Variants in GOLIM4 observed in about 807,000 individuals in gnomAD.
GOLIM4 encodes the protein 130 kDa golgi-localized phosphoprotein.
Under a neutral mutation model 107.4 loss-of-function variants are expected in GOLIM4, and 71 were observed. The ratio of observed to expected loss-of-function variants is 0.66; its 90% CI spans 0.55 to 0.81. The LOEUF is 0.81. Among genes scored for constraint, GOLIM4 ranks in the 30% least tolerant of loss-of-function variants. The pLI is 0.00. For synonymous variants in GOLIM4, 327 were observed against 294.8 expected, an observed-to-expected ratio of 1.11 and a Z score of -1.12; for missense variants, 830 against 826.1, an observed-to-expected ratio of 1.00 and a Z score of -0.06.
intron 5 of GOLIM4, 148 bp from the exon 6 acceptor site, chr3:168,041,622 T>A: frequency 1.8e-6 from 1 of 555,886 alleles, no homozygotes; most frequent in Non-Finnish European, 3.1e-6. Context: ...ACAAAAATGA[T>A]ATTGTATTGG....
intron 14 of GOLIM4, among the ~76,000 whole-genome samples, chr3:168,020,182 AAAT>A (rs1717602580): frequency 6.6e-6 from 1 of 152,152 alleles, no homozygotes. Flanking sequence ...CTTGTATGTA[AAAT>A]AATAGCATTG....
chr3:168,017,954 T>C (rs9941995), intron 14 of GOLIM4, among the ~76,000 whole-genome samples: 4,043 of 152,210 alleles, frequency 0.027, 183 homozygotes, highest in African/African-American at 0.093. Flanking sequence ...CATCCAAATA[T>C]TTGTGCTAAA....
intron 7 of GOLIM4, among the ~76,000 whole-genome samples, chr3:168,039,824 T>C (rs964505522): frequency 2.0e-5 from 3 of 152,166 alleles, no homozygotes; most frequent in Non-Finnish European, 2.9e-5. Context: ...AAATGATCCC[T>C]GACGTCAATT....
intron 1 of GOLIM4, among the ~76,000 whole-genome samples, chr3:168,078,840 C>A (rs1002752885): frequency 1.3e-5 from 2 of 152,070 alleles, no homozygotes; most frequent in Non-Finnish European, 2.9e-5. Context: ...TAACAAAGAA[C>A]AGACAAGCCA....
chr3:168,042,862 T>A (rs1196666058), intron 5 of GOLIM4, among the ~76,000 whole-genome samples: 1 of 152,212 alleles, frequency 6.6e-6, no homozygotes, highest in Non-Finnish European at 1.5e-5. Context: ...AGCCCACAGT[T>A]GTCACACAAC....
intron 1 of GOLIM4, among the ~76,000 whole-genome samples, chr3:168,094,244 T>A (rs539668297): frequency 6.6e-6 from 1 of 152,222 alleles, no homozygotes; most frequent in Non-Finnish European, 1.5e-5. Flanking sequence ...TTGTGAAAAT[T>A]ACATTAAATT....
intron 3 of GOLIM4, among the ~76,000 whole-genome samples, chr3:168,045,219 C>T (rs1181291670): frequency 1.3e-5 from 2 of 152,036 alleles, no homozygotes; most frequent in African/African-American, 4.8e-5. Flanking sequence ...AGAGTCACCG[C>T]GCAGGGCTAA....
intron 1 of GOLIM4, among the ~76,000 whole-genome samples, chr3:168,081,834 G>A (rs1248073837): frequency 6.6e-6 from 1 of 152,112 alleles, no homozygotes; most frequent in Admixed American, 6.5e-5. Context: ...ATTACTAATG[G>A]ATTCTAGGAA....
intron 1 of GOLIM4, among the ~76,000 whole-genome samples, chr3:168,079,623 G>A (rs1327207026): frequency 1.3e-5 from 2 of 152,010 alleles, no homozygotes; most frequent in Non-Finnish European, 2.9e-5. Flanking sequence ...ATATTTGGTT[G>A]CGCTATACAC....
intron 1 of GOLIM4, among the ~76,000 whole-genome samples, chr3:168,091,884 TC>T (rs1721934257): frequency 6.6e-6 from 1 of 152,180 alleles, no homozygotes; most frequent in African/African-American, 2.4e-5. Flanking sequence ...AATCACATAC[TC>T]AGATAAAAAA....
chr3:168,032,670 G>T lies in GOLIM4; in HGVS notation c.1026C>A (p.Ala342=). ...EHQVEEEHRK[A]LEEEEMEQVG... ...CCTGCTCCATTTCTTCCTCCTCCAG[G>T]GCCTTTCTGTGCTCCTCTTCCACCT... is the stretch of plus-strand genomic sequence containing the variant. Residue 342 remains alanine (A), a synonymous_variant, in exon 9 of 16, where the codon GCC becomes GCA. Coordinates refer to ENST00000470487, the MANE Select transcript of GOLIM4 (RefSeq NM_014498.5). 1 of 1,613,784 alleles carries T rather than the reference G, an allele frequency of 6.2e-7. No individual in the cohort carries two copies. The highest frequency in any genetic ancestry group is 8.5e-7 in the Non-Finnish European group (1 of 1,179,966).
chr3:168,095,416 C>T lies in GOLIM4; in HGVS notation c.-131G>A. 1.4e-6 allele frequency: 1 copy of T among 721,584 alleles called. No homozygotes were observed. The allele number at this position is 721,584 out of a possible 1,614,324, so 44.7% of individuals were successfully genotyped here. A position where few individuals can be genotyped will look rare whatever the true frequency, so the allele number is the denominator to read the frequency against. ...GAGGAGGAGATGCCAGACACAAAAG[C>T]CGGCCCGGAGGGGAAGTGGCGCCCG... is the stretch of plus-strand genomic sequence containing the variant. On this transcript the variant is annotated 5_prime_UTR_variant, in exon 1 of 16. Coordinates refer to ENST00000470487, the MANE Select transcript of GOLIM4 (RefSeq NM_014498.5).
chr3:168,047,307 G>T (rs1165482997), intron 2 of GOLIM4, among the ~76,000 whole-genome samples: 1 of 152,142 alleles, frequency 6.6e-6, no homozygotes, highest in East Asian at 1.9e-4. Flanking sequence ...GGGAAAAAAT[G>T]GAGCACATCT....
chr3:168,054,361 T>C (rs1324180312), intron 1 of GOLIM4, among the ~76,000 whole-genome samples: 2 of 152,138 alleles, frequency 1.3e-5, no homozygotes, highest in African/African-American at 4.8e-5. Context: ...TCTGTTAGGC[T>C]TGAACATGCC....
intron 13 of GOLIM4, 38 bp downstream of exon 13, chr3:168,024,869 ACCAGATGTTTCTTAAAATAGC>A: frequency 6.6e-7 from 1 of 1,515,156 alleles, no homozygotes; most frequent in Non-Finnish European, 9.1e-7. Context: ...TTTTACATAA[ACCAGATGTTTCTTAAAATAGC>A]CCAGTTAAAT....
At chr3:168,076,676 G>A (rs1721099249) in intron 1 of GOLIM4, among the ~76,000 whole-genome samples, 1 of 152,180 alleles carries the variant, frequency 6.6e-6, no homozygotes, top group African/African-American at 2.4e-5. Flanking sequence ...GGGCAACAGA[G>A]TGAGACTCCA....
chr3:168,025,555 T>C (rs1050241610), intron 12 of GOLIM4, among the ~76,000 whole-genome samples: 21 of 152,120 alleles, frequency 1.4e-4, no homozygotes, highest in African/African-American at 5.1e-4. Flanking sequence ...GAAAAGTTGT[T>C]GATGGGAAAG....
In GOLIM4 at chr3:168,043,450, G is replaced by A. The variant is rs142833364; in HGVS notation, c.446C>T (p.Thr149Ile). 7.4e-6 allele frequency: 12 copies of A among 1,612,572 alleles called. No individual in the cohort carries two copies. The highest frequency in any genetic ancestry group is 1.1e-5 in the South Asian group (1 of 90,948). ...GTATTTTTGCTTATGGTCATTAAAT[G>A]TTCTACTGAAGTCTTCCCCTTGTTT... ...HRKQGEDFSR[T>I]FNDHKQKYLQ... Residue 149 changes from threonine to isoleucine, a missense_variant, in exon 5 of 16, where the codon ACA becomes ATA. Thr to Ile is a moderately conservative substitution (Grantham distance 89). Coordinates refer to ENST00000470487, the MANE Select transcript of GOLIM4 (RefSeq NM_014498.5).
At chr3:168,069,450 T>C (rs1297734810) in intron 1 of GOLIM4, among the ~76,000 whole-genome samples, 1 of 152,218 alleles carries the variant, frequency 6.6e-6, no homozygotes, top group Non-Finnish European at 1.5e-5. Flanking sequence ...TGCTTTTCAA[T>C]AATATAATTT....
Sources: gnomAD v4.1 joint callset for allele counts (sites outside exome capture counted in the v4.1 genomes callset) on GRCh38, gnomAD v4.1.1 for gene constraint, MANE v1.5 for transcripts, NCBI Gene and HGNC (gene_info 2026-07-23, HGNC 2026-07-21) for gene names.